The following TMEM131 variants were observed in gnomAD, a reference collection of about 807,000 sequenced individuals.
TMEM131 encodes the protein 2610524E03Rik.
A neutral mutation model predicts 211.6 loss-of-function variants in TMEM131; 66 were observed. That is an observed-to-expected ratio of 0.31 (90% CI 0.26 to 0.38). The LOEUF is 0.38. Ranked by LOEUF, TMEM131 falls within the 10% of genes least tolerant of loss-of-function variation. TMEM131 has a pLI of 1.00. For missense variants in TMEM131, 2,036 were observed against 2,299.3 expected (o/e 0.89, Z 2.34); for synonymous variants, 844 against 841.3 (o/e 1.00, Z -0.06).
At chr2:97,958,378 A>T (rs1199180238) in intron 1 of TMEM131, among the ~76,000 whole-genome samples, 3 of 152,202 alleles carry the variant, frequency 2.0e-5, no homozygotes, top group South Asian at 4.1e-4. Context: ...TACTTAGAAT[A>T]ATCTCCCAAC....
rs1342476627 is a variant in TMEM131 at position 97,756,496 on chromosome 2, A to G, written c.*603T>C. The G allele has an allele frequency of 1.3e-5, 2 of 152,248 alleles. No individual in the cohort carries two copies. The highest frequency in any genetic ancestry group is 4.8e-5 in the African/African-American group (2 of 41,460). 9.4% of individuals were successfully genotyped at this position (152,248 alleles called of 1,614,324 possible). On this transcript the variant is annotated 3_prime_UTR_variant, in exon 41 of 41. Coordinates refer to ENST00000186436, the MANE Select transcript of TMEM131 (RefSeq NM_015348.2). ...GTTACATACCTCAAGTACAAACAGCACAGAAAATGCATATGGTCTCAACTG... is the reference window on the plus strand; with the variant it reads ...GTTACATACCTCAAGTACAAACAGCGCAGAAAATGCATATGGTCTCAACTG...
intron 1 of TMEM131, among the ~76,000 whole-genome samples, chr2:97,941,473 T>C (rs1677722148): frequency 6.6e-6 from 1 of 152,220 alleles, no homozygotes; most frequent in Middle Eastern, 3.4e-3. Context: ...AATTGACAGA[T>C]GGGATCTAAT....
At chr2:97,993,673 C>T (rs568137171) in intron 1 of TMEM131, among the ~76,000 whole-genome samples, 32 of 152,316 alleles carry the variant, frequency 2.1e-4, no homozygotes, top group African/African-American at 6.7e-4. Flanking sequence ...ATTCAACCAC[C>T]CCTTTAATAC....
intron 11 of TMEM131, among the ~76,000 whole-genome samples, chr2:97,830,603 T>C (rs1435175333): frequency 6.6e-6 from 1 of 152,250 alleles, no homozygotes; most frequent in Non-Finnish European, 1.5e-5. Context: ...TATGTTAAGC[T>C]GATATTATGA....
intron 2 of TMEM131, among the ~76,000 whole-genome samples, chr2:97,922,314 A>G (rs1334236282): frequency 6.6e-6 from 1 of 152,170 alleles, no homozygotes; most frequent in Non-Finnish European, 1.5e-5. Flanking sequence ...CAGGCCACAG[A>G]CCGGTACTGG....
chr2:97,816,088 C>T (rs557734563), intron 12 of TMEM131, among the ~76,000 whole-genome samples: 1 of 152,162 alleles, frequency 6.6e-6, no homozygotes, highest in Admixed American at 6.5e-5. Flanking sequence ...CATCGGTAAT[C>T]CCAGCACTTT....
At chr2:97,925,219 A>G (rs942132617) in intron 2 of TMEM131, among the ~76,000 whole-genome samples, 18 of 152,284 alleles carry the variant, frequency 1.2e-4, no homozygotes, top group Admixed American at 3.9e-4. Flanking sequence ...AAGCAGATTC[A>G]GGTTTATTAA....
At position 97,995,652 on chromosome 2, in the gene TMEM131, C is replaced by G; in HGVS notation, c.11G>C (p.Arg4Pro). ...GGCTCCGGTTGCTCCTCCTCCCGCC[C>G]GCTTCCCCATCCCTGCCGGCCGGGG... is the stretch of plus-strand genomic sequence containing the variant. MGK[R>P]AGGGATGATT... is the part of the protein sequence containing the mutation. Residue 4 changes from arginine (R) to proline (P), a missense_variant, in exon 1 of 41, where the codon CGG (arginine) becomes CCG (proline). Coordinates refer to ENST00000186436, the MANE Select transcript of TMEM131 (RefSeq NM_015348.2). 1 of 1,214,332 alleles carries G rather than the reference C, an allele frequency of 8.2e-7. No individual in the cohort carries two copies. Among genetic ancestry groups the G allele is most frequent in the Non-Finnish European group, 1.0e-6 (1 of 976,342 alleles). The allele number at this position is 1,214,332 out of a possible 1,614,324, so 75.2% of individuals were successfully genotyped here.
rs559825777 is a variant in TMEM131, at chr2:97,876,867, GA to G, written c.359+11184del. ...TTCTGGCCAGGGCAATCAGGCAAGA[GA>G]AAGAAATAACGGGTATTCAAATAGA... On this transcript the variant is annotated intron_variant, in intron 4 of 40. Coordinates refer to ENST00000186436, the MANE Select transcript of TMEM131 (RefSeq NM_015348.2). 1.2e-4 allele frequency among the ~76,000 whole-genome samples: 18 copies of G among 152,302 alleles called. No homozygotes were observed. The South Asian group carries it at 3.7e-3, about 32-fold the overall frequency.
intron 33 of TMEM131, 90 bp downstream of exon 33, chr2:97,772,207 G>T: frequency 6.6e-7 from 1 of 1,521,512 alleles, no homozygotes; most frequent in Non-Finnish European, 8.9e-7. Context: ...AAGCCAACCA[G>T]CCAGCCAAAT....
intron 5 of TMEM131, among the ~76,000 whole-genome samples, chr2:97,846,269 C>T (rs933999815): frequency 2.6e-5 from 4 of 152,170 alleles, no homozygotes; most frequent in African/African-American, 4.8e-5. Context: ...CAATATCCTT[C>T]GTAAACATAG....
At chr2:97,976,856 T>C (rs896440565) in intron 1 of TMEM131, among the ~76,000 whole-genome samples, 1 of 151,050 alleles carries the variant, frequency 6.6e-6, no homozygotes, top group Non-Finnish European at 1.5e-5. Context: ...CACATGTACA[T>C]GCAATTGCTT....
At chr2:97,961,323 T>C (rs1678806450) in intron 1 of TMEM131, among the ~76,000 whole-genome samples, 1 of 152,184 alleles carries the variant, frequency 6.6e-6, no homozygotes, top group South Asian at 2.1e-4. Flanking sequence ...TGTATACTTG[T>C]ATACAATATA....
chr2:97,928,638 C>CT (rs1559454115), intron 1 of TMEM131, among the ~76,000 whole-genome samples: 1 of 151,710 alleles, frequency 6.6e-6, no homozygotes, highest in Non-Finnish European at 1.5e-5. Flanking sequence ...ATCTGTAAGA[C>CT]TAAAGGCAAA....
chr2:97,902,055 T>C (rs1234969747), intron 3 of TMEM131, among the ~76,000 whole-genome samples: 1 of 152,130 alleles, frequency 6.6e-6, no homozygotes. Context: ...AACTATCACA[T>C]GTACCCCATC....
At chr2:97,965,044 C>A (rs553393010) in intron 1 of TMEM131, among the ~76,000 whole-genome samples, 2 of 152,246 alleles carry the variant, frequency 1.3e-5, no homozygotes, top group Non-Finnish European at 2.9e-5. Context: ...CTTTATGCCC[C>A]AAGAGCGTAA....
At chr2:97,901,949 T>C (rs1416510750) in intron 3 of TMEM131, among the ~76,000 whole-genome samples, 2 of 152,126 alleles carry the variant, frequency 1.3e-5, no homozygotes, top group African/African-American at 4.8e-5. Flanking sequence ...AAGAGAAGAT[T>C]GGAAATGTTC....
At chr2:97,917,198 G>A (rs1167954912) in intron 2 of TMEM131, among the ~76,000 whole-genome samples, 1 of 152,154 alleles carries the variant, frequency 6.6e-6, no homozygotes, top group Non-Finnish European at 1.5e-5. Flanking sequence ...CTCACATACT[G>A]TTACGGCAGC....
intron 2 of TMEM131, 73 bp downstream of exon 2, chr2:97,927,352 AT>A (rs1245679498): frequency 5.1e-6 from 6 of 1,184,592 alleles, no homozygotes; most frequent in Non-Finnish European, 7.0e-6. Flanking sequence ...AACCAATTAC[AT>A]TTTTAAAAGA....
Sources: gnomAD v4.1 joint callset for allele counts (sites outside exome capture counted in the v4.1 genomes callset) on GRCh38, gnomAD v4.1.1 for gene constraint, MANE v1.5 for transcripts, NCBI Gene and HGNC (gene_info 2026-07-23, HGNC 2026-07-21) for gene names.